Variants in ABAT observed in about 807,000 individuals in gnomAD.
ABAT encodes the protein 4-aminobutyrate aminotransferase, mitochondrial.
Under a neutral mutation model 64.6 loss-of-function variants are expected in ABAT, and 45 were observed. The ratio of observed to expected loss-of-function variants is 0.70; its 90% confidence interval spans 0.55 to 0.89. The LOEUF (loss-of-function observed/expected upper bound fraction) is 0.89, where lower values mean the gene tolerates loss of function less well. ABAT is among the 40% of genes least tolerant of loss of function. The pLI is 0.00. For synonymous variants in ABAT, 297 were observed against 250.5 expected (o/e 1.19, Z -1.75); for missense variants, 633 against 658.4 (o/e 0.96, Z 0.42).
At chr16:8,710,707 AG>A in intron 1 of ABAT, among the ~76,000 whole-genome samples, 2 of 128,240 alleles carry the variant, frequency 1.6e-5, no homozygotes, top group Non-Finnish European at 3.6e-5. Flanking sequence ...AGAGAGAGAG[AG>A]AGAGAGAGAG....
intron 11 of ABAT, among the ~76,000 whole-genome samples, chr16:8,769,964 G>A (rs534467755): frequency 6.6e-6 from 1 of 152,124 alleles, no homozygotes; most frequent in Non-Finnish European, 1.5e-5. Flanking sequence ...AAGGTGCTAG[G>A]TGCTGGGTAT....
rs1395030448 is a variant in ABAT, at chr16:8,776,190, G to A, written c.1123-154G>A. Among the ~76,000 whole-genome samples, 2 of 152,168 alleles carry A rather than the reference G, an allele frequency of 1.3e-5. No homozygotes were observed. Among genetic ancestry groups the A allele is most frequent in the African/African-American group, 4.8e-5 (2 of 41,428 alleles). ...CTAGCCTCTGGTAGAGAAGAATTCA[G>A]CGAGATTGGGTGTGTTCCCCTGCCA... On this transcript the variant is annotated intron_variant, in intron 13 of 15. Coordinates refer to ENST00000268251, the MANE Select transcript of ABAT (RefSeq NM_020686.6). This position sits in a 1 kb window ranked among gnomAD's most constrained non-coding sequence, Gnocchi z 4.4.
In ABAT at chr16:8,746,117, A is replaced by T. The variant is rs756309102; in HGVS notation, c.168+19A>T. The T allele has an allele frequency of 1.3e-6, 2 of 1,598,474 alleles. No individual in the cohort carries two copies. Among genetic ancestry groups the T allele is most frequent in the Admixed American group, 3.3e-5 (2 of 59,950 alleles). Reference sequence around the variant, plus strand: ...ATCTCAGGTGAGTTGAGCACACCTGAGTGGGGTATTTTGGAAAAGGGAAAA... The same window carrying T: ...ATCTCAGGTGAGTTGAGCACACCTGTGTGGGGTATTTTGGAAAAGGGAAAA... On this transcript the variant is annotated intron_variant, in intron 3 of 15. Transcript: ENST00000268251.
chr16:8,680,813 G>T (rs1371476617), intron 1 of ABAT, among the ~76,000 whole-genome samples: 1 of 152,160 alleles, frequency 6.6e-6, no homozygotes, highest in Non-Finnish European at 1.5e-5. Context: ...TTTCCCTAAT[G>T]ACTGATGGCA....
intron 1 of ABAT, among the ~76,000 whole-genome samples, chr16:8,711,077 G>T (rs2058060361): frequency 6.6e-6 from 1 of 152,132 alleles, no homozygotes; most frequent in Non-Finnish European, 1.5e-5. Context: ...TTATATCAAT[G>T]AGACAAATTC....
chr16:8,767,605 T>C (rs950785564), intron 9 of ABAT, among the ~76,000 whole-genome samples: 2 of 152,040 alleles, frequency 1.3e-5, no homozygotes, highest in Non-Finnish European at 2.9e-5. Context: ...AGGAGGAAAA[T>C]GGGTCCAAAC....
intron 2 of ABAT, among the ~76,000 whole-genome samples, chr16:8,741,668 G>C (rs1015746539): frequency 6.6e-6 from 1 of 152,146 alleles, no homozygotes; most frequent in African/African-American, 2.4e-5. Flanking sequence ...CTGTTCTCTT[G>C]TGGTGTATTG....
At chr16:8,699,658 C>CTTAAA (rs1250734578) in intron 1 of ABAT, among the ~76,000 whole-genome samples, 1 of 152,038 alleles carries the variant, frequency 6.6e-6, no homozygotes, top group African/African-American at 2.4e-5. Flanking sequence ...GCCTCCTGGG[C>CTTAAA]TTAAACGATC....
chr16:8,783,337 A>G lies in ABAT; in HGVS notation c.*1907A>G, dbSNP rs886052442. 3.9e-5 allele frequency: 6 copies of G among 152,124 alleles called. No individual in the cohort carries two copies. The highest frequency in any genetic ancestry group is 7.3e-5 in the Non-Finnish European group (5 of 68,030). The allele number at this position is 152,124 out of a possible 1,614,324, so 9.4% of individuals were successfully genotyped here. The stretch of plus-strand genomic sequence containing the variant: ...CTGGAAACAACAGACTCTTAAACTA[A>G]CAATTCAAGCAGGCGCCAAGTGCTA... On this transcript the variant is annotated 3_prime_UTR_variant, in exon 16 of 16. Transcript: ENST00000268251.
At chr16:8,695,536 G>C (rs78613852) in intron 1 of ABAT, among the ~76,000 whole-genome samples, 3,625 of 152,288 alleles carry the variant, frequency 0.024, 143 homozygotes, top group African/African-American at 0.083. Flanking sequence ...TCAACCTTAT[G>C]TCAGCCTCAG....
At chr16:8,739,614 A>C (rs1452822837) in intron 2 of ABAT, among the ~76,000 whole-genome samples, 1 of 152,124 alleles carries the variant, frequency 6.6e-6, no homozygotes. Context: ...GCTACTTGGG[A>C]GGCTGAGGCA....
chr16:8,766,038 A>G (rs2059933214), intron 8 of ABAT, 170 bp from the exon 9 acceptor site: 1 of 650,386 alleles, frequency 1.5e-6, no homozygotes, highest in Non-Finnish European at 2.8e-6. Context: ...TGTTGCGAGC[A>G]CAGTTGGTAG....
In ABAT at chr16:8,733,119, G is replaced by A. The variant is rs866894641; in HGVS notation, c.-41-2580G>A. 9.1e-3 allele frequency among the ~76,000 whole-genome samples: 1,359 copies of A among 148,866 alleles called. 26 individuals carry two copies. The highest frequency in any genetic ancestry group is 0.013 in the Non-Finnish European group (886 of 67,164). On this transcript the variant is annotated intron_variant, in intron 1 of 15. Coordinates refer to ENST00000268251, the MANE Select transcript of ABAT (RefSeq NM_020686.6). ...CCCGGATGGGGCGGCTGGCCGGGCG[G>A]GGGGCTGACCCCCCCCCACCTCCCT...
chr16:8,768,869 A>G lies in ABAT; in HGVS notation c.712A>G (p.Ile238Val), dbSNP rs373583662. The change falls in exon 11 of 16, where the codon ATC (isoleucine) becomes GTC (valine). Residue 238 changes from isoleucine (I) to valine (V), a missense_variant. By Grantham distance (29) the Ile-to-Val change is conservative. Coordinates refer to ENST00000268251, the MANE Select transcript of ABAT (RefSeq NM_020686.6). ...CTCTAAAGCCATTCACAAGATCGAC[A>G]TCCCTTCCTTTGACTGGCCCATCGC... ...THSKAIHKID[I>V]PSFDWPIAPF... 11 of 1,614,182 alleles carry G rather than the reference A, an allele frequency of 6.8e-6. No individual in the cohort carries two copies. Among genetic ancestry groups the G allele is most frequent in the Non-Finnish European group, 8.5e-6 (10 of 1,180,042 alleles).
At chr16:8,675,074 G>A (rs1166077840) in intron 1 of ABAT, among the ~76,000 whole-genome samples, 1 of 152,072 alleles carries the variant, frequency 6.6e-6, no homozygotes, top group Non-Finnish European at 1.5e-5. Flanking sequence ...AACTAAGTTT[G>A]GGTGTCTTCC....
chr16:8,681,533 T>G (rs1167936768), intron 1 of ABAT, among the ~76,000 whole-genome samples: 3 of 151,194 alleles, frequency 2.0e-5, no homozygotes. Context: ...CATGTTTACC[T>G]GGAACCTATG....
At chr16:8,703,072 T>C (rs181579413) in intron 1 of ABAT, among the ~76,000 whole-genome samples, 1 of 151,936 alleles carries the variant, frequency 6.6e-6, no homozygotes, top group Non-Finnish European at 1.5e-5. Context: ...CAATGTATTG[T>C]TTTTACGGGT....
intron 3 of ABAT, among the ~76,000 whole-genome samples, chr16:8,746,914 G>T (rs982190887): frequency 6.6e-6 from 1 of 152,164 alleles, no homozygotes; most frequent in Non-Finnish European, 1.5e-5. Context: ...TCACCTCCAT[G>T]CCTGGGGGAC....
chr16:8,681,583 G>T (rs2057334469), intron 1 of ABAT, among the ~76,000 whole-genome samples: 1 of 148,422 alleles, frequency 6.7e-6, no homozygotes, highest in Non-Finnish European at 1.5e-5. Flanking sequence ...TGCAGAAATA[G>T]TTAGGTTGAA....
Sources: gnomAD v4.1 joint callset for allele counts (sites outside exome capture counted in the v4.1 genomes callset) on GRCh38, gnomAD v4.1.1 for gene constraint, Gnocchi (gnomAD v3.1) non-coding constraint, MANE v1.5 for transcripts, NCBI Gene and HGNC (gene_info 2026-07-23, HGNC 2026-07-21) for gene names.